Variants in CMSS1 observed in about 807,000 individuals in gnomAD.
CMSS1 encodes cms1 ribosomal small subunit homolog, also known as protein CMSS1.
A neutral mutation model predicts 43.5 loss-of-function variants in CMSS1; 33 were observed. The ratio of observed to expected loss-of-function variants is 0.76; its 90% CI spans 0.57 to 1.01. The LOEUF is 1.01. Among genes scored for constraint, CMSS1 ranks in the 50% least tolerant of loss-of-function variants. The pLI is 0.00. For synonymous variants in CMSS1, 115 were observed against 117.2 expected (o/e 0.98, Z 0.12); for missense variants, 313 against 326.4 (o/e 0.96, Z 0.32).
intron 6 of CMSS1, among the ~76,000 whole-genome samples, 172 bp from the exon 7 acceptor site, chr3:100,171,667 C>G (rs969817628): frequency 6.6e-6 from 1 of 152,192 alleles, no homozygotes; most frequent in Non-Finnish European, 1.5e-5. Context: ...CCACCCCACT[C>G]TCATTGCAAA....
chr3:99,994,406 A>G (rs1307898116), intron 1 of CMSS1, among the ~76,000 whole-genome samples: 1 of 152,230 alleles, frequency 6.6e-6, no homozygotes, highest in African/African-American at 2.4e-5. Flanking sequence ...ATTTACAACA[A>G]CATTCTTACC....
intron 1 of CMSS1, among the ~76,000 whole-genome samples, chr3:99,843,939 C>G (rs1943248057): frequency 6.6e-6 from 1 of 152,208 alleles, no homozygotes; most frequent in Non-Finnish European, 1.5e-5. Flanking sequence ...TTATGAGACT[C>G]TAGCTAATGC....
chr3:99,830,681 G>A (rs1942643566), intron 1 of CMSS1: 1 of 432,600 alleles, frequency 2.3e-6, no homozygotes, highest in South Asian at 1.7e-5. Context: ...AGGACATGGA[G>A]TCAGTTTGGA....
chr3:99,908,856 CA>C (rs926024597), intron 1 of CMSS1, among the ~76,000 whole-genome samples: 14 of 151,192 alleles, frequency 9.3e-5, no homozygotes, highest in Middle Eastern at 3.4e-3. Flanking sequence ...CTACCATCTA[CA>C]AAAAAAAATT....
chr3:100,163,675 A>C (rs1324413458), intron 4 of CMSS1, among the ~76,000 whole-genome samples: 4 of 152,142 alleles, frequency 2.6e-5, no homozygotes, highest in African/African-American at 7.2e-5. Flanking sequence ...GTAGCTGGGA[A>C]TATAGCCACG....
chr3:100,168,887 A>C (rs986543330), intron 6 of CMSS1, among the ~76,000 whole-genome samples: 6 of 151,344 alleles, frequency 4.0e-5, no homozygotes, highest in African/African-American at 1.2e-4. Flanking sequence ...ATATACACAC[A>C]CACACATATA....
chr3:100,088,505 TA>T (rs1368337425), intron 1 of CMSS1, among the ~76,000 whole-genome samples: 1 of 152,256 alleles, frequency 6.6e-6, no homozygotes, highest in African/African-American at 2.4e-5. Context: ...AAAATCTTTA[TA>T]TTTGTAGGAA....
At chr3:99,848,367 T>G in intron 1 of CMSS1, 1 of 1,614,166 alleles carries the variant, frequency 6.2e-7, no homozygotes, top group Non-Finnish European at 8.5e-7. Flanking sequence ...CTTTATTGGT[T>G]GTTTTGTTTA....
chr3:100,090,363 A>G (rs1263702160), intron 1 of CMSS1, among the ~76,000 whole-genome samples: 1 of 152,248 alleles, frequency 6.6e-6, no homozygotes, highest in African/African-American at 2.4e-5. Flanking sequence ...TGGGAATGCA[A>G]GCATGGGATT....
chr3:99,850,307 G>A (rs1317409125), intron 1 of CMSS1: 1 of 1,613,462 alleles, frequency 6.2e-7, no homozygotes, highest in Admixed American at 1.7e-5. Flanking sequence ...TGAGACAACT[G>A]CTTTGTGGTC....
intron 1 of CMSS1, among the ~76,000 whole-genome samples, chr3:100,146,527 A>G (rs1218350337): frequency 1.3e-5 from 2 of 152,226 alleles, no homozygotes; most frequent in Non-Finnish European, 2.9e-5. Context: ...GAGGGATTTC[A>G]TATCTGTAAA....
At chr3:99,970,573 T>G (rs1708783266) in intron 1 of CMSS1, among the ~76,000 whole-genome samples, 1 of 152,246 alleles carries the variant, frequency 6.6e-6, no homozygotes, top group African/African-American at 2.4e-5. Context: ...TATCCCTGCT[T>G]TCCTTGTAGT....
At chr3:99,910,064 C>T (rs1234302533) in intron 1 of CMSS1, among the ~76,000 whole-genome samples, 1 of 135,160 alleles carries the variant, frequency 7.4e-6, no homozygotes, top group Non-Finnish European at 1.7e-5. Flanking sequence ...GTCAGCTCAC[C>T]CTCATTGCAC....
At chr3:100,000,325 A>G (rs1179756790) in intron 1 of CMSS1, among the ~76,000 whole-genome samples, 5 of 152,216 alleles carry the variant, frequency 3.3e-5, no homozygotes, top group Non-Finnish European at 7.3e-5. Flanking sequence ...ACAACCTGAA[A>G]ATAACTTGTG....
At chr3:100,123,796 T>C (rs1245537160) in intron 1 of CMSS1, among the ~76,000 whole-genome samples, 1 of 152,258 alleles carries the variant, frequency 6.6e-6, no homozygotes, top group African/African-American at 2.4e-5. Context: ...GTCCCGGCCC[T>C]AACGCTTTGT....
intron 1 of CMSS1, among the ~76,000 whole-genome samples, chr3:99,907,779 T>TATTA (rs1706667731): frequency 6.6e-6 from 1 of 152,200 alleles, no homozygotes; most frequent in Non-Finnish European, 1.5e-5. Context: ...TGTCTTTTAA[T>TATTA]GTGCAACGCT....
chr3:99,880,492 G>A (rs972320501), intron 1 of CMSS1, among the ~76,000 whole-genome samples: 6 of 152,088 alleles, frequency 3.9e-5, no homozygotes, highest in Non-Finnish European at 7.4e-5. Context: ...TTTCCAGAAG[G>A]CTTCCAATTA....
At chr3:99,897,503 A>G (rs1228338070) in intron 1 of CMSS1, among the ~76,000 whole-genome samples, 1 of 152,224 alleles carries the variant, frequency 6.6e-6, no homozygotes, top group East Asian at 1.9e-4. Context: ...CTGACACCAA[A>G]TTTTGAATTT....
At chr3:99,878,368 T>C (rs1559673119) in intron 1 of CMSS1, among the ~76,000 whole-genome samples, 1 of 152,264 alleles carries the variant, frequency 6.6e-6, no homozygotes, top group Admixed American at 6.5e-5. Flanking sequence ...TAAAGACATT[T>C]AGAAGGCTAA....
Sources: gnomAD v4.1 joint callset for allele counts (sites outside exome capture counted in the v4.1 genomes callset) on GRCh38, gnomAD v4.1.1 for gene constraint, MANE v1.5 for transcripts, NCBI Gene and HGNC (gene_info 2026-07-23, HGNC 2026-07-21) for gene names.